PDE6A: variants seen among roughly 807,000 people sequenced by gnomAD.
The protein encoded by PDE6A is rod cGMP-specific 3',5'-cyclic phosphodiesterase subunit alpha.
PDE6A carries 84 observed loss-of-function variants against 106.3 expected under a neutral mutation model. That is an observed-to-expected ratio of 0.79 (90% confidence interval 0.66 to 0.95). PDE6A has a LOEUF of 0.95. Among genes scored for constraint, PDE6A ranks in the 40% least tolerant of loss-of-function variants. PDE6A has a pLI of 0.00. For synonymous variants in PDE6A, 394 were observed against 386.6 expected, an observed-to-expected ratio of 1.02 and a Z score of -0.23; for missense variants, 1,052 against 1,084.9, an observed-to-expected ratio of 0.97 and a Z score of 0.43.
At chr5:149,875,265 G>A (rs950827855) in intron 17 of PDE6A, among the ~76,000 whole-genome samples, 11 of 152,114 alleles carry the variant, frequency 7.2e-5, no homozygotes, top group Non-Finnish European at 2.9e-5. Context: ...CATCCCTCAA[G>A]GCGCAGAACA....
At position 149,895,170 on chromosome 5, in the gene PDE6A, G is replaced by C. The variant is rs144868706; in HGVS notation, c.1728+13C>G. ...GCAAGCCCACCCTACCAGCCCCACC[G>C]GCCCCGCCATACCACCAGCAGGGAG... On this transcript the variant is annotated intron_variant, in intron 13 of 21. Coordinates refer to ENST00000255266, the MANE Select transcript of PDE6A (RefSeq NM_000440.3). The C allele has an allele frequency of 6.4e-7, 1 of 1,571,468 alleles. No homozygotes were observed. Among genetic ancestry groups the C allele is most frequent in the South Asian group, 1.1e-5 (1 of 90,252 alleles).
chr5:149,933,459 G>C lies in PDE6A; in HGVS notation c.717+471C>G, dbSNP rs1015781086. On this transcript the variant is annotated intron_variant, in intron 3 of 21. Transcript: ENST00000255266. Reference sequence around the variant, plus strand: ...TCCATTTGTAGACAAACAAACTGGGGCTCAGAGAGATGAAGTAACTGGCTG... The same window carrying C: ...TCCATTTGTAGACAAACAAACTGGGCCTCAGAGAGATGAAGTAACTGGCTG... Among the ~76,000 whole-genome samples the C allele has an allele frequency of 7.9e-5, 12 of 152,202 alleles. No homozygotes were observed. The South Asian group carries it at 2.1e-3, about 26-fold the overall frequency.
chr5:149,867,297 G>A, intron 19 of PDE6A: 1 of 260,464 alleles, frequency 3.8e-6, no homozygotes, highest in Non-Finnish European at 7.5e-6. Flanking sequence ...ATGTTGACAG[G>A]TGCACAACTT....
intron 17 of PDE6A, among the ~76,000 whole-genome samples, chr5:149,876,143 TTGG>T (rs2113529943): frequency 6.6e-6 from 1 of 152,286 alleles, no homozygotes; most frequent in Admixed American, 6.5e-5. Flanking sequence ...AAATTTTCTT[TTGG>T]ATTAAGTTAT....
intron 5 of PDE6A, among the ~76,000 whole-genome samples, chr5:149,915,978 C>CT (rs899097838): frequency 1.3e-5 from 2 of 152,170 alleles, no homozygotes; most frequent in Non-Finnish European, 2.9e-5. Flanking sequence ...TAATATTTCT[C>CT]TTTTTTCTTT....
intron 17 of PDE6A, among the ~76,000 whole-genome samples, chr5:149,872,369 A>G (rs1227320094): frequency 2.0e-5 from 3 of 152,238 alleles, no homozygotes; most frequent in South Asian, 4.1e-4. Context: ...ATGATCACAT[A>G]AGATGCTTTT....
chr5:149,883,490 C>T lies in PDE6A; in HGVS notation c.2074G>A (p.Glu692Lys). The T allele has an allele frequency of 6.2e-7, 1 of 1,613,934 alleles. No homozygotes were observed. Among genetic ancestry groups the T allele is most frequent in the Non-Finnish European group, 8.5e-7 (1 of 1,179,836 alleles). ...TACTGTGTCCACTCCTGTTCACTCTCATATGTCTTAGACTGATCCACGATC... is the reference window on the plus strand; with the variant it reads ...TACTGTGTCCACTCCTGTTCACTCTTATATGTCTTAGACTGATCCACGATC... ...QKIVDQSKTY[E>K]SEQEWTQYMM... is the part of the protein sequence containing the mutation. The change falls in exon 17 of 22, where the codon GAG becomes AAG. Residue 692 changes from glutamate to lysine, a missense_variant. Glu to Lys is a moderately conservative substitution (Grantham distance 56). Transcript: ENST00000255266.
intron 7 of PDE6A, among the ~76,000 whole-genome samples, chr5:149,906,535 A>AAAAAAAAAAAAAAAAAAAAAAAAAC (rs1294272201): frequency 6.7e-6 from 1 of 149,458 alleles, no homozygotes; most frequent in Non-Finnish European, 1.5e-5. Flanking sequence ...AAAAAAAAAA[A>AAAAAAAAAAAAAAAAAAAAAAAAAC]AAATCCCACC....
intron 8 of PDE6A, among the ~76,000 whole-genome samples, chr5:149,901,938 T>C (rs966633493): frequency 1.3e-5 from 2 of 152,226 alleles, no homozygotes; most frequent in South Asian, 2.1e-4. Context: ...TAGCCTAGCA[T>C]GCTAAACCAA....
chr5:149,904,124 G>A (rs939484327), intron 7 of PDE6A, among the ~76,000 whole-genome samples: 2 of 152,202 alleles, frequency 1.3e-5, no homozygotes, highest in African/African-American at 4.8e-5. Flanking sequence ...GCGTGCGCCT[G>A]TAATCCCAGC....
chr5:149,903,198 C>CCTGG (rs1554089530), intron 8 of PDE6A, among the ~76,000 whole-genome samples: 1 of 146,742 alleles, frequency 6.8e-6, no homozygotes, highest in Non-Finnish European at 1.5e-5. Context: ...CGACAAAACA[C>CCTGG]CTGGCAAAGT....
chr5:149,862,471 T>G (rs1760179311), intron 21 of PDE6A, among the ~76,000 whole-genome samples: 1 of 152,262 alleles, frequency 6.6e-6, no homozygotes, highest in African/African-American at 2.4e-5. Flanking sequence ...CTCAAATTCC[T>G]TCCAAGTCCG....
chr5:149,914,883 G>T (rs1375088632), intron 6 of PDE6A, 60 bp downstream of exon 6: 4 of 1,106,632 alleles, frequency 3.6e-6, no homozygotes, highest in Non-Finnish European at 5.6e-6. Flanking sequence ...CACCGATAAA[G>T]CCAATTGAGA....
At chr5:149,929,560 T>C (rs983853219) in intron 4 of PDE6A, among the ~76,000 whole-genome samples, 4 of 151,840 alleles carry the variant, frequency 2.6e-5, no homozygotes, top group Non-Finnish European at 4.4e-5. Flanking sequence ...TGAGCCGAGA[T>C]TGCGCCACTG....
At chr5:149,909,667 T>C (rs905518389) in intron 6 of PDE6A, among the ~76,000 whole-genome samples, 2 of 152,250 alleles carry the variant, frequency 1.3e-5, no homozygotes, top group Non-Finnish European at 2.9e-5. Context: ...GTTCAGCCTT[T>C]TTACATTTAA....
chr5:149,895,317 C>T lies in PDE6A; in HGVS notation c.1621-27G>A, dbSNP rs778903631. 22 of 1,433,584 alleles carry T rather than the reference C, an allele frequency of 1.5e-5. No homozygotes were observed. In the African/African-American group the frequency reaches 2.5e-4, roughly 16 times the overall value. 88.8% of individuals were successfully genotyped at this position (1,433,584 alleles called of 1,614,324 possible). ...TGTGAACACATGCACATCAGTGAGG[C>T]AGGACACACCTGAAATGGTCTCATG... On this transcript the variant is annotated intron_variant, in intron 12 of 21. Coordinates refer to ENST00000255266, the MANE Select transcript of PDE6A (RefSeq NM_000440.3).
intron 17 of PDE6A, among the ~76,000 whole-genome samples, chr5:149,879,310 G>C (rs1041609310): frequency 1.2e-4 from 18 of 152,200 alleles, no homozygotes; most frequent in Admixed American, 1.2e-3. Context: ...GACCTCAGGT[G>C]ATCCGCCTGC....
At chr5:149,915,094 G>A (rs1196373250) in intron 5 of PDE6A, 87 bp from the exon 6 acceptor site, 1 of 792,694 alleles carries the variant, frequency 1.3e-6, no homozygotes, top group African/African-American at 1.8e-5. Context: ...GAGTGCAATG[G>A]CTTGATCTCA....
chr5:149,897,440 G>A (rs1197912743), intron 10 of PDE6A, among the ~76,000 whole-genome samples: 1 of 152,162 alleles, frequency 6.6e-6, no homozygotes, highest in African/African-American at 2.4e-5. Flanking sequence ...CTGAAACTGT[G>A]GACTGAGTCA....
Sources: allele counts gnomAD v4.1 joint callset (sites outside exome capture counted in the v4.1 genomes callset), GRCh38; gene constraint gnomAD v4.1.1; transcripts MANE v1.5; gene names NCBI Gene and HGNC (gene_info 2026-07-23, HGNC 2026-07-21).